Variants in MIDEAS observed in about 807,000 individuals in gnomAD.
MIDEAS encodes mitotic deacetylase associated SANT domain protein, also known as mitotic deacetylase-associated SANT domain protein.
Under a neutral mutation model 102.7 loss-of-function variants are expected in MIDEAS, and 26 were observed. That is an observed-to-expected ratio of 0.25 (90% CI 0.19 to 0.35). The LOEUF is 0.35. Ranked by LOEUF, MIDEAS falls within the 10% of genes least tolerant of loss-of-function variation. The pLI is 1.00. For synonymous variants in MIDEAS, 585 were observed against 591.0 expected (o/e 0.99, Z 0.15); for missense variants, 1,231 against 1,435.6 (o/e 0.86, Z 2.30).
At chr14:73,719,765 A>AG (rs1169218397) in intron 11 of MIDEAS, among the ~76,000 whole-genome samples, 4 of 142,576 alleles carry the variant, frequency 2.8e-5, no homozygotes, top group African/African-American at 1.0e-4. Flanking sequence ...TGCGCCTGAC[A>AG]GGGGATCTTG....
intron 3 of MIDEAS, chr14:73,730,243 T>C: frequency 1.6e-6 from 1 of 635,000 alleles, no homozygotes; most frequent in Non-Finnish European, 2.9e-6. Flanking sequence ...CTGTTACATA[T>C]TCCTCTTCTT....
rs555116880 is a variant in MIDEAS at position 73,772,984 on chromosome 14, G to A, written c.-248+14118C>T. On this transcript the variant is annotated intron_variant, in intron 1 of 11. Coordinates refer to the MIDEAS transcript ENST00000394071. ...CTCCCGAGTAGCTAGGGTTACAGGC[G>A]CGCACCACCACACCCAGCTAATTTT... Among the ~76,000 whole-genome samples the A allele has an allele frequency of 1.1e-3, 160 of 151,964 alleles. 1 individual carries two copies. Among genetic ancestry groups the A allele is most frequent in the Non-Finnish European group, 1.8e-3 (121 of 67,976 alleles).
intron 3 of MIDEAS, 43 bp from the exon 4 acceptor site, chr14:73,730,028 C>G: frequency 2.5e-6 from 4 of 1,589,716 alleles, no homozygotes; most frequent in East Asian, 2.3e-5. Flanking sequence ...CCCCCCGTGT[C>G]CCAGAGAAAG....
At chr14:73,771,163 T>C (rs555293107) in intron 1 of MIDEAS, among the ~76,000 whole-genome samples, 5 of 152,266 alleles carry the variant, frequency 3.3e-5, no homozygotes, top group South Asian at 4.1e-4. Context: ...CTCCATTTTC[T>C]CTCTGACCCT....
At chr14:73,789,231 A>T (rs997604834), upstream of MIDEAS, 10 of 146,090 alleles carry the variant, frequency 6.8e-5, no homozygotes, top group Non-Finnish European at 1.4e-4. Flanking sequence ...ACTAGGTTAT[A>T]AAAAAAAAAA....
chr14:73,754,430 G>C (rs1389675065), intron 1 of MIDEAS, among the ~76,000 whole-genome samples: 2 of 152,220 alleles, frequency 1.3e-5, no homozygotes, highest in African/African-American at 4.8e-5. Context: ...ACACCCAGGA[G>C]CCAAGACAGT....
At chr14:73,733,369 C>G (rs370405130) in intron 3 of MIDEAS, among the ~76,000 whole-genome samples, 1 of 152,064 alleles carries the variant, frequency 6.6e-6, no homozygotes, top group East Asian at 1.9e-4. Flanking sequence ...AGGTGGATCA[C>G]CTGAGGTCAC....
Position 73,756,307 on chromosome 14 carries a change from T to C in MIDEAS, c.-248+3456A>G, listed in dbSNP as rs8020505. On this transcript the variant is annotated intron_variant, in intron 1 of 12. Transcript: ENST00000423556. ...GTGTGTGTGTGTGTGCGCGCGCGCG[T>C]GCGCGCTGAGGTGGAGGGAGGGTGA... Among the ~76,000 whole-genome samples, 204 of 104,808 alleles carry C rather than the reference T, an allele frequency of 1.9e-3. 2 individuals are homozygous for C. Among genetic ancestry groups the C allele is most frequent in the African/African-American group, 6.8e-3 (176 of 26,044 alleles). The allele number at this position is 104,808 out of a possible 152,430, so 68.8% of individuals were successfully genotyped here.
At chr14:73,785,273 G>T (rs1490295939) in intron 1 of MIDEAS, among the ~76,000 whole-genome samples, 4 of 152,176 alleles carry the variant, frequency 2.6e-5, no homozygotes, top group Non-Finnish European at 5.9e-5. Context: ...ACCCCTGTAA[G>T]GCCCTCAACA....
At chr14:73,778,828 A>T (rs574384284) in intron 1 of MIDEAS, among the ~76,000 whole-genome samples, 1 of 152,154 alleles carries the variant, frequency 6.6e-6, no homozygotes, top group African/African-American at 2.4e-5. Context: ...AACCTACTCC[A>T]TGGATCTCCT....
intron 9 of MIDEAS, chr14:73,723,135 A>T (rs2053018346): frequency 9.1e-6 from 2 of 219,932 alleles, no homozygotes; most frequent in Non-Finnish European, 1.8e-5. Context: ...ATCAGAGGGC[A>T]TTACTGTATT....
At chr14:73,733,989 G>A (rs1044029468) in intron 3 of MIDEAS, among the ~76,000 whole-genome samples, 1 of 150,100 alleles carries the variant, frequency 6.7e-6, no homozygotes, top group Admixed American at 6.6e-5. Flanking sequence ...CAGGATACAT[G>A]TTTTGTTTTG....
intron 5 of MIDEAS, 187 bp downstream of exon 5, chr14:73,727,271 C>T: frequency 1.5e-6 from 1 of 674,516 alleles, no homozygotes; most frequent in African/African-American, 1.8e-5. Flanking sequence ...CTTGCCCTTC[C>T]CTGCAACTTC....
At chr14:73,766,598 G>A (rs1427324538) in intron 1 of MIDEAS, among the ~76,000 whole-genome samples, 1 of 151,458 alleles carries the variant, frequency 6.6e-6, no homozygotes, top group African/African-American at 2.4e-5. Context: ...TACCCAGGCT[G>A]GAGTGCAGTG....
rs776026107 is a variant in MIDEAS at position 73,726,722 on chromosome 14, G to A, written c.2306-15C>T. 12 of 1,614,032 alleles carry A rather than the reference G, an allele frequency of 7.4e-6. No homozygotes were observed. The highest frequency in any genetic ancestry group is 1.7e-5 in the Admixed American group (1 of 60,004). ...CAGGTCTTCCACTGGATCCACAGGA[G>A]CATGAGGAGGGAGGGGAGGAAACCA... On this transcript the variant is annotated splice_polypyrimidine_tract_variant and intron_variant, in intron 6 of 12. Transcript: ENST00000423556.
rs372357671 is a variant in MIDEAS, at chr14:73,738,806, C to A, written c.1203G>T (p.Pro401=). The A allele has an allele frequency of 1.0e-5, 16 of 1,574,200 alleles. No homozygotes were observed. The highest frequency in any genetic ancestry group is 1.4e-5 in the Non-Finnish European group (16 of 1,158,932). Reference sequence around the variant, plus strand: ...GTAGCTGCGACTCCCTCAGCTCCAGCGGGAATCCCAGAGCTTCAGGATGGG... The same window carrying A: ...GTAGCTGCGACTCCCTCAGCTCCAGAGGGAATCCCAGAGCTTCAGGATGGG... The part of the protein sequence containing the change: ...GQPHPEALGF[P]LELRESQLLP... Residue 401 remains proline (P), a synonymous_variant, in exon 2 of 13, where the codon CCG becomes CCT. Transcript: ENST00000423556.
chr14:73,749,067 C>G (rs754687679), intron 1 of MIDEAS, among the ~76,000 whole-genome samples: 1 of 151,986 alleles, frequency 6.6e-6, no homozygotes, highest in East Asian at 1.9e-4. Flanking sequence ...ACGAACAGTA[C>G]GACTAAATAG....
intron 1 of MIDEAS, among the ~76,000 whole-genome samples, chr14:73,767,906 C>A (rs2053605702): frequency 6.6e-6 from 1 of 152,172 alleles, no homozygotes; most frequent in African/African-American, 2.4e-5. Flanking sequence ...CGCCTGTAAT[C>A]CCAACACTCT....
At chr14:73,776,526 T>C (rs1202619980) in intron 1 of MIDEAS, among the ~76,000 whole-genome samples, 1 of 102,166 alleles carries the variant, frequency 9.8e-6, no homozygotes, top group East Asian at 4.2e-4. Context: ...TCTGTTTAAA[T>C]TACAAAAAAA....
Sources: gnomAD v4.1 joint callset for allele counts (sites outside exome capture counted in the v4.1 genomes callset) on GRCh38, gnomAD v4.1.1 for gene constraint, MANE v1.5 for transcripts, NCBI Gene and HGNC (gene_info 2026-07-23, HGNC 2026-07-21) for gene names.